Variants in DHX16 observed in about 807,000 individuals in gnomAD.
DHX16 encodes the protein pre-mRNA-splicing factor ATP-dependent RNA helicase DHX16.
A neutral mutation model predicts 131.2 loss-of-function variants in DHX16; 81 were observed. The observed-to-expected ratio is 0.62, with a 90% CI of 0.52 to 0.74. The LOEUF (loss-of-function observed/expected upper bound fraction) is 0.74, where lower values mean the gene tolerates loss of function less well. Among genes scored for constraint, DHX16 ranks in the 30% least tolerant of loss-of-function variants. The pLI is 0.00. For missense variants in DHX16, 980 were observed against 1,363.1 expected, an observed-to-expected ratio of 0.72 and a Z score of 4.43; for synonymous variants, 440 against 520.2, an observed-to-expected ratio of 0.85 and a Z score of 2.10.
chr6:30,659,849 G>A lies in DHX16; in HGVS notation c.1756-15C>T, dbSNP rs745758399. 8 of 1,613,316 alleles carry A rather than the reference G, an allele frequency of 5.0e-6. No individual in the cohort carries two copies. The South Asian group carries it at 8.8e-5, about 18-fold the overall frequency. ...GCCTCTGGAGCCTGGAGAGCAGAAAGAGATGGGGTCACAGGAGGGCCACCT... is the reference window on the plus strand; with the variant it reads ...GCCTCTGGAGCCTGGAGAGCAGAAAAAGATGGGGTCACAGGAGGGCCACCT... On this transcript the variant is annotated splice_polypyrimidine_tract_variant and intron_variant, in intron 10 of 19. Transcript: ENST00000376442.
chr6:30,665,179 C>T lies in DHX16; in HGVS notation c.1017G>A (p.Leu339=), dbSNP rs148381577. The change falls in exon 6 of 20, where the codon CTG becomes CTA. Residue 339 remains leucine, a synonymous_variant. Coordinates refer to ENST00000376442, the MANE Select transcript of DHX16 (RefSeq NM_003587.5). This position sits in a 1 kb window ranked among gnomAD's most constrained non-coding sequence, Gnocchi z 4.8. ...AGGCAGCATCTCGGGCCCCAAACTT[C>T]AGGGACGCTGCCCCAAGCCGCGCCT... is the stretch of plus-strand genomic sequence containing the variant. ...WEEARLGAAS[L]KFGARDAASQ... is the part of the protein sequence containing the mutation. 871 of 1,612,348 alleles carry T rather than the reference C, an allele frequency of 5.4e-4. No homozygotes were observed. Among genetic ancestry groups the T allele is most frequent in the Non-Finnish European group, 6.8e-4 (797 of 1,179,886 alleles).
rs1460363903 is a variant in DHX16, at chr6:30,656,093, A to C, written c.2498+105T>G. 9.0e-7 allele frequency: 1 copy of C among 1,106,314 alleles called. No homozygotes were observed. The highest frequency in any genetic ancestry group is 1.5e-5 in the African/African-American group (1 of 64,880). The allele number at this position is 1,106,314 out of a possible 1,614,324, so 68.5% of individuals were successfully genotyped here. On this transcript the variant is annotated intron_variant, in intron 16 of 19. Transcript: ENST00000376442. The surrounding 1 kb of genome is among the most constrained non-coding windows in gnomAD (Gnocchi z 5.1). ...TTATCTAATACTTTATTATGTGTTA[A>C]GGGATAGTATGATGAACAGAAAAAG...
rs755602303 is a variant in DHX16, at chr6:30,670,825, G to A, written c.574C>T (p.Arg192Trp). Residue 192 changes from arginine (R) to tryptophan (W), a missense_variant, in exon 3 of 20, where the codon CGG (arginine) becomes TGG (tryptophan). Transcript: ENST00000376442. This position sits in a 1 kb window ranked among gnomAD's most constrained non-coding sequence, Gnocchi z 4.4. Reference sequence around the variant, plus strand: ...GACCGTTCCAGGACATTTCGAGTCCGATCCTTGTCCCGCTGTCGAACCCGC... The same window carrying A: ...GACCGTTCCAGGACATTTCGAGTCCAATCCTTGTCCCGCTGTCGAACCCGC... ...AERVRQRDKD[R>W]TRNVLERSDK... The A allele has an allele frequency of 3.7e-6, 6 of 1,612,974 alleles. No individual in the cohort carries two copies. Among genetic ancestry groups the A allele is most frequent in the South Asian group, 1.1e-5 (1 of 91,074 alleles).
chr6:30,666,856 A>G (rs1229725988), intron 4 of DHX16, among the ~76,000 whole-genome samples: 2 of 152,086 alleles, frequency 1.3e-5, no homozygotes, highest in African/African-American at 2.4e-5. Context: ...GCCTGGTTCT[A>G]TTTAGTTGTT....
At position 30,655,612 on chromosome 6, in the gene DHX16, G is replaced by C. The variant is rs1767911680; in HGVS notation, c.2499-15C>G. 6.2e-7 allele frequency: 1 copy of C among 1,612,854 alleles called. No homozygotes were observed. The highest frequency in any genetic ancestry group is 1.3e-5 in the African/African-American group (1 of 74,928). ...AACAGCTGTACCTGGGACAGGAAGG[G>C]GAAAGCATGAGTTCAAAGCAAGACA... On this transcript the variant is annotated splice_polypyrimidine_tract_variant and intron_variant, in intron 16 of 19. Transcript: ENST00000376442.
intron 18 of DHX16, 61 bp downstream of exon 18, chr6:30,655,114 G>A: frequency 6.2e-7 from 1 of 1,604,056 alleles, no homozygotes; most frequent in African/African-American, 1.3e-5. Flanking sequence ...CATGCCCCCA[G>A]AGAAGCTTGC....
intron 12 of DHX16, among the ~76,000 whole-genome samples, 178 bp downstream of exon 12, chr6:30,659,294 C>T (rs1768257187): frequency 6.6e-6 from 1 of 152,242 alleles, no homozygotes; most frequent in Admixed American, 6.5e-5. Flanking sequence ...ACATATTTGG[C>T]TCTCTCTTGG....
Position 30,665,156 on chromosome 6 carries a change from G to A in DHX16, c.1040C>T (p.Ala347Val). 6.2e-7 allele frequency: 1 copy of A among 1,613,508 alleles called. No individual in the cohort carries two copies. The highest frequency in any genetic ancestry group is 1.3e-5 in the African/African-American group (1 of 75,000). Residue 347 changes from alanine (A) to valine (V), a missense_variant, in exon 6 of 20, where the codon GCC (alanine) becomes GTC (valine). By Grantham distance (64) the Ala-to-Val change is moderately conservative. Transcript: ENST00000376442. The surrounding 1 kb of genome is among the most constrained non-coding windows in gnomAD (Gnocchi z 4.8). ...CAGTTGATACTTGGGCTCCTGAGAGGCAGCATCTCGGGCCCCAAACTTCAG... is the reference window on the plus strand; with the variant it reads ...CAGTTGATACTTGGGCTCCTGAGAGACAGCATCTCGGGCCCCAAACTTCAG... ...ASLKFGARDA[A>V]SQEPKYQLVL... is the part of the protein sequence containing the mutation.
Position 30,670,470 on chromosome 6 carries a change from G to A in DHX16, c.610-4C>T, listed in dbSNP as rs759257833. On this transcript the variant is annotated splice_polypyrimidine_tract_variant and splice_region_variant and intron_variant, in intron 3 of 19. Transcript: ENST00000376442. This position sits in a 1 kb window ranked among gnomAD's most constrained non-coding sequence, Gnocchi z 4.4. ...GCTTCTGAGCCTCTTCATAAGCCTA[G>A]AAGAAAAAACAAGAATGGAGGGGTG... 2 of 1,610,754 alleles carry A rather than the reference G, an allele frequency of 1.2e-6. No homozygotes were observed. The highest frequency in any genetic ancestry group is 4.5e-5 in the East Asian group (2 of 44,864).
Position 30,662,923 on chromosome 6 carries a change from C to T in DHX16, c.1416G>A (p.Lys472=). 6.2e-7 allele frequency: 1 copy of T among 1,613,180 alleles called. No homozygotes were observed. Among genetic ancestry groups the T allele is most frequent in the Non-Finnish European group, 8.5e-7 (1 of 1,180,016 alleles). Reference sequence around the variant, plus strand: ...CTAGAAATCTCACCTCATTCCCAAGCTTCACACCCATCTCCCGGGCCACTC... The same window carrying T: ...CTAGAAATCTCACCTCATTCCCAAGTTTCACACCCATCTCCCGGGCCACTC... ...AARVAREMGV[K]LGNEVGYSIR... is the part of the protein sequence containing the mutation. The change falls in exon 8 of 20, where the codon AAG becomes AAA. Residue 472 remains lysine, a synonymous_variant. Coordinates refer to ENST00000376442, the MANE Select transcript of DHX16 (RefSeq NM_003587.5). This position sits in a 1 kb window ranked among gnomAD's most constrained non-coding sequence, Gnocchi z 4.7.
rs1767610837 is a variant in DHX16, at chr6:30,653,151, G to A, written c.*91C>T. 1.4e-6 allele frequency: 2 copies of A among 1,441,804 alleles called. No individual in the cohort carries two copies. Among genetic ancestry groups the A allele is most frequent in the Admixed American group, 2.3e-5 (1 of 43,908 alleles). The allele number at this position is 1,441,804 out of a possible 1,614,324, so 89.3% of individuals were successfully genotyped here. ...CTCTAGATCCCAAATGTTCCCACAA[G>A]CTTTATTCCAAAAATAATTTTATTT... On this transcript the variant is annotated 3_prime_UTR_variant, in exon 20 of 20. Transcript: ENST00000376442.
chr6:30,661,031 G>A (rs1191697996), intron 9 of DHX16, among the ~76,000 whole-genome samples: 1 of 151,466 alleles, frequency 6.6e-6, no homozygotes, highest in Non-Finnish European at 1.5e-5. Flanking sequence ...CCAAGTAGCT[G>A]GGACTACAGG....
Position 30,653,906 on chromosome 6 carries a change from G to A in DHX16, c.2998-536C>T, listed in dbSNP as rs938697427. ...GGAGGCCGTGGCAGGCGGATCATGA[G>A]GTCAGGAGTTCGAGATCAGCCTGGC... On this transcript the variant is annotated intron_variant, in intron 19 of 19. Coordinates refer to ENST00000376442, the MANE Select transcript of DHX16 (RefSeq NM_003587.5). Among the ~76,000 whole-genome samples, 11 of 151,150 alleles carry A rather than the reference G, an allele frequency of 7.3e-5. 1 individual carries two copies. The highest frequency in any genetic ancestry group is 2.0e-4 in the Admixed American group (3 of 15,194).
intron 4 of DHX16, among the ~76,000 whole-genome samples, chr6:30,669,627 T>C (rs1046558231): frequency 6.8e-6 from 1 of 146,418 alleles, no homozygotes; most frequent in Non-Finnish European, 1.5e-5. Flanking sequence ...CGTGGTGGTG[T>C]GCGCCTGTAA....
Position 30,656,095 on chromosome 6 carries a change from G to C in DHX16, c.2498+103C>G, listed in dbSNP as rs927536740. On this transcript the variant is annotated intron_variant, in intron 16 of 19. Transcript: ENST00000376442. The surrounding 1 kb of genome is among the most constrained non-coding windows in gnomAD (Gnocchi z 5.1). Reference sequence around the variant, plus strand: ...ATCTAATACTTTATTATGTGTTAAGGGATAGTATGATGAACAGAAAAAGAC... The same window carrying C: ...ATCTAATACTTTATTATGTGTTAAGCGATAGTATGATGAACAGAAAAAGAC... 3.3e-5 allele frequency: 37 copies of C among 1,121,038 alleles called. No homozygotes were observed. Among genetic ancestry groups the C allele is most frequent in the South Asian group, 1.4e-4 (11 of 80,800 alleles). 69.4% of individuals were successfully genotyped at this position (1,121,038 alleles called of 1,614,324 possible). A position where few individuals can be genotyped will look rare whatever the true frequency, so the allele number is the denominator to read the frequency against.
Position 30,655,432 on chromosome 6 carries a change from G to A in DHX16, c.2661+3C>T, listed in dbSNP as rs753652058. On this transcript the variant is annotated splice_donor_region_variant and intron_variant, in intron 17 of 19. Coordinates refer to ENST00000376442, the MANE Select transcript of DHX16 (RefSeq NM_003587.5). Reference sequence around the variant, plus strand: ...TCATTCCCACTCACCCAAGCCCAGTGACCTGTGTGTAAACATTTAGCAGAA... The same window carrying A: ...TCATTCCCACTCACCCAAGCCCAGTAACCTGTGTGTAAACATTTAGCAGAA... 2 of 1,613,846 alleles carry A rather than the reference G, an allele frequency of 1.2e-6. No individual in the cohort carries two copies. The highest frequency in any genetic ancestry group is 3.3e-5 in the Admixed American group (2 of 60,000).
At chr6:30,669,309 T>A (rs1343113123) in intron 4 of DHX16, among the ~76,000 whole-genome samples, 6 of 151,928 alleles carry the variant, frequency 3.9e-5, no homozygotes, top group Non-Finnish European at 8.8e-5. Context: ...TAGTCCCAGC[T>A]ACTCAGGAGG....
chr6:30,667,831 A>G (rs1191890200), intron 4 of DHX16, among the ~76,000 whole-genome samples: 1 of 152,180 alleles, frequency 6.6e-6, no homozygotes, highest in Admixed American at 6.6e-5. Flanking sequence ...TTTAGACCCA[A>G]TTCCTGCTTC....
At chr6:30,660,747 T>G (rs1355004845) in intron 9 of DHX16, among the ~76,000 whole-genome samples, 2 of 151,754 alleles carry the variant, frequency 1.3e-5, no homozygotes, top group Non-Finnish European at 2.9e-5. Context: ...CCAGATGTGG[T>G]GGTAGACGCC....
Sources: allele counts gnomAD v4.1 joint callset (sites outside exome capture counted in the v4.1 genomes callset), GRCh38; gene constraint gnomAD v4.1.1; non-coding constraint Gnocchi (gnomAD v3.1); transcripts MANE v1.5; gene names NCBI Gene and HGNC (gene_info 2026-07-23, HGNC 2026-07-21).